Variants in H1-7 observed in about 807,000 individuals in gnomAD.
The protein encoded by H1-7 is H1.7 linker histone, also known as testis-specific H1 histone.
In H1-7, 1 loss-of-function variant was observed where a neutral mutation model predicts 0.3. The observed-to-expected ratio is 3.06, with a 90% CI of 1.09 to 14.53. The LOEUF is 14.53. H1-7 is among the 30% of genes most tolerant of loss of function. The pLI is 0.12. For synonymous variants in H1-7, 177 were observed against 153.2 expected (o/e 1.16, Z -1.15); for missense variants, 393 against 353.1 (o/e 1.11, Z -0.91).
chr12:48,329,749 G>C lies in H1-7; in HGVS notation c.458G>C (p.Ser153Thr), dbSNP rs759200101. 6.2e-7 allele frequency: 1 copy of C among 1,600,268 alleles called. No homozygotes were observed. The highest frequency in any genetic ancestry group is 1.1e-5 in the South Asian group (1 of 89,690). The change falls in exon 1 of 1, where the codon AGC (serine) becomes ACC (threonine). Residue 153 changes from serine to threonine, a missense_variant. Ser to Thr is a moderately conservative substitution (Grantham distance 58). Transcript: ENST00000335017. ...TGGAGGACCCCAGCCGCGCCCCGGA[G>C]CTCCCGGAGGCGCCGCCAGCCCCTT... ...APWRTPAAPR[S>T]SRRRRQPLRK...
Position 48,329,447 on chromosome 12 carries a change from C to T in H1-7, c.156C>T (p.Gly52=), listed in dbSNP as rs367755226. ...AAACTGTCGGGGGACCATCGAGGGG[C>T]TGCTCAAGCTCCGTGCTCAGAGTGT... ...AEKTVGGPSR[G]CSSSVLRVSQ... Residue 52 remains glycine, a synonymous_variant, in exon 1 of 1, where the codon GGC becomes GGT. Coordinates refer to ENST00000335017, the MANE Select transcript of H1-7 (RefSeq NM_181788.1). 6.9e-5 allele frequency: 112 copies of T among 1,614,096 alleles called. No individual in the cohort carries two copies. Among genetic ancestry groups the T allele is most frequent in the Middle Eastern group, 6.6e-4 (4 of 6,084 alleles).
rs1263353341 is a variant in H1-7, at chr12:48,329,442, AGGGGCT to A, written c.153_158del (p.Arg51_Cys53delinsSer). ...GGAAAAAACTGTCGGGGGACCATCG[AGGGGCT>A]GCTCAAGCTCCGTGCTCAGAGTGTC... On this transcript the variant is annotated inframe_deletion, in exon 1 of 1. Coordinates refer to ENST00000335017, the MANE Select transcript of H1-7 (RefSeq NM_181788.1). 11 of 1,614,072 alleles carry A rather than the reference AGGGGCT, an allele frequency of 6.8e-6. No homozygotes were observed. The highest frequency in any genetic ancestry group is 6.8e-6 in the Non-Finnish European group (8 of 1,180,034).
the H1-7 span, chr12:48,329,313 G>T: frequency 6.3e-7 from 1 of 1,594,048 alleles, no homozygotes; most frequent in Non-Finnish European, 8.5e-7. Context: ...CTTGACTGGT[G>T]AGGCCCAAAG....
the H1-7 span, chr12:48,329,398 C>G: frequency 6.2e-7 from 1 of 1,614,022 alleles, no homozygotes; most frequent in Non-Finnish European, 8.5e-7. Context: ...CGAGGACACT[C>G]AGCCACTCAG....
At position 48,329,441 on chromosome 12, in the gene H1-7, G is replaced by C; in HGVS notation, c.150G>C (p.Ser50=). ...LPAEKTVGGP[S]RGCSSSVLRV... is the part of the protein sequence containing the mutation. ...CGGAAAAAACTGTCGGGGGACCATCGAGGGGCTGCTCAAGCTCCGTGCTCA... is the reference window on the plus strand; with the variant it reads ...CGGAAAAAACTGTCGGGGGACCATCCAGGGGCTGCTCAAGCTCCGTGCTCA... Residue 50 remains serine (S), a synonymous_variant, in exon 1 of 1, where the codon TCG becomes TCC. Coordinates refer to ENST00000335017, the MANE Select transcript of H1-7 (RefSeq NM_181788.1). The C allele has an allele frequency of 9.9e-6, 16 of 1,614,218 alleles. No homozygotes were observed. Among genetic ancestry groups the C allele is most frequent in the Non-Finnish European group, 1.4e-5 (16 of 1,180,024 alleles).
chr12:48,329,271 G>A lies in H1-7; in HGVS notation c.-21G>A, dbSNP rs749335237. The A allele has an allele frequency of 5.3e-6, 8 of 1,505,298 alleles. No homozygotes were observed. The highest frequency in any genetic ancestry group is 2.3e-5 in the East Asian group (1 of 42,798). 93.2% of individuals were successfully genotyped at this position (1,505,298 alleles called of 1,614,324 possible). ...TCTCTGCCAGGCCTGCCTTTGTGACGTGGCCCAGTCTACCTCAGCTATGGA... is the reference window on the plus strand; with the variant it reads ...TCTCTGCCAGGCCTGCCTTTGTGACATGGCCCAGTCTACCTCAGCTATGGA... On this transcript the variant is annotated 5_prime_UTR_variant, in exon 1 of 1. It adds an upstream start codon to the 5' untranslated region. Transcript: ENST00000335017.
Position 48,329,793 on chromosome 12 carries a change from G to T in H1-7, c.502G>T (p.Ala168Ser). Residue 168 changes from alanine (A) to serine (S), a missense_variant, in exon 1 of 1, where the codon GCC (alanine) becomes TCC (serine). Physicochemically the swap from Ala to Ser is moderately conservative, Grantham distance 99. Transcript: ENST00000335017. ...RQPLRKAARK[A>S]REVWRRNARA... Reference sequence around the variant, plus strand: ...GCCCCTTCGCAAGGCGGCCAGGAAGGCCAGAGAAGTGTGGAGACGGAACGC... The same window carrying T: ...GCCCCTTCGCAAGGCGGCCAGGAAGTCCAGAGAAGTGTGGAGACGGAACGC... 6.3e-7 allele frequency: 1 copy of T among 1,598,978 alleles called. No homozygotes were observed.
In H1-7 at chr12:48,329,816, C is replaced by T. The variant is rs200066912; in HGVS notation, c.525C>T (p.Asn175=). Residue 175 remains asparagine (N), a synonymous_variant, in exon 1 of 1, where the codon AAC becomes AAT. Coordinates refer to ENST00000335017, the MANE Select transcript of H1-7 (RefSeq NM_181788.1). ...ARKAREVWRR[N]ARAKAKANAR... ...AGGCCAGAGAAGTGTGGAGACGGAA[C>T]GCGAGGGCGAAAGCCAAGGCCAATG... 8.1e-6 allele frequency: 13 copies of T among 1,595,334 alleles called. No homozygotes were observed. The highest frequency in any genetic ancestry group is 1.8e-5 in the Admixed American group (1 of 55,684).
rs972443693 is a variant in H1-7 at position 48,329,948 on chromosome 12, G to A, written c.657G>A (p.Gln219=). 4 of 1,610,364 alleles carry A rather than the reference G, an allele frequency of 2.5e-6. No individual in the cohort carries two copies. Among genetic ancestry groups the A allele is most frequent in the East Asian group, 4.5e-5 (2 of 44,708 alleles). ...CAGCGGCAGACGAGGGGCGAGGACA[G>A]GCCGTGAAGGAAGACACCACGCCGA... ...GATAADEGRG[Q]AVKEDTTPRS... Residue 219 remains glutamine (Q), a synonymous_variant, in exon 1 of 1, where the codon CAG becomes CAA. Transcript: ENST00000335017.
rs371972219 is a variant in H1-7, at chr12:48,329,612, G to A, written c.321G>A (p.Thr107=). ...HEAPRGQAKA[T]LLRVSGSDAA... ...CGCCCAGGGGGCAGGCCAAGGCCACGCTCCTCCGGGTCAGCGGCAGCGACG... is the reference window on the plus strand; with the variant it reads ...CGCCCAGGGGGCAGGCCAAGGCCACACTCCTCCGGGTCAGCGGCAGCGACG... The change falls in exon 1 of 1, where the codon ACG becomes ACA. Residue 107 remains threonine, a synonymous_variant. Coordinates refer to ENST00000335017, the MANE Select transcript of H1-7 (RefSeq NM_181788.1). 1.4e-5 allele frequency: 23 copies of A among 1,612,230 alleles called. No individual in the cohort carries two copies. The highest frequency in any genetic ancestry group is 6.6e-5 in the South Asian group (6 of 90,946).
rs759956909 is a variant in H1-7 at position 48,329,458 on chromosome 12, C to T, written c.167C>T (p.Ser56Phe). The T allele has an allele frequency of 2.8e-5, 45 of 1,614,088 alleles. No individual in the cohort carries two copies. In the Middle Eastern group the frequency reaches 8.2e-4, roughly 29 times the overall value. The change falls in exon 1 of 1, where the codon TCC becomes TTC. Residue 56 changes from serine to phenylalanine, a missense_variant. Coordinates refer to ENST00000335017, the MANE Select transcript of H1-7 (RefSeq NM_181788.1). ...GGACCATCGAGGGGCTGCTCAAGCT[C>T]CGTGCTCAGAGTGTCCCAGTTGGTG... ...VGGPSRGCSS[S>F]VLRVSQLVLQ...
chr12:48,329,861 G>A lies in H1-7; in HGVS notation c.570G>A (p.Arg190=), dbSNP rs1952547115. ...AKANARARRT[R]RARPRAKEPP... is the part of the protein sequence containing the mutation. ...CCAATGCCAGGGCGAGGAGGACCAG[G>A]AGGGCAAGGCCGAGAGCCAAGGAGC... The change falls in exon 1 of 1, where the codon AGG becomes AGA. Residue 190 remains arginine, a synonymous_variant. Transcript: ENST00000335017. 6.3e-7 allele frequency: 1 copy of A among 1,589,702 alleles called. No individual in the cohort carries two copies. Among genetic ancestry groups the A allele is most frequent in the Non-Finnish European group, 8.6e-7 (1 of 1,168,696 alleles).
rs765534034 is a variant in H1-7, at chr12:48,329,957, G to A, written c.666G>A (p.Lys222=). Reference sequence around the variant, plus strand: ...ACGAGGGGCGAGGACAGGCCGTGAAGGAAGACACCACGCCGAGGTCAGGGA... The same window carrying A: ...ACGAGGGGCGAGGACAGGCCGTGAAAGAAGACACCACGCCGAGGTCAGGGA... The part of the protein sequence containing the change: ...AADEGRGQAV[K]EDTTPRSGKD... The change falls in exon 1 of 1, where the codon AAG becomes AAA. Residue 222 remains lysine, a synonymous_variant. Coordinates refer to ENST00000335017, the MANE Select transcript of H1-7 (RefSeq NM_181788.1). The A allele has an allele frequency of 1.2e-6, 2 of 1,612,224 alleles. No homozygotes were observed. The highest frequency in any genetic ancestry group is 1.1e-5 in the South Asian group (1 of 90,796).
chr12:48,329,990 G>C lies in H1-7; in HGVS notation c.699G>C (p.Lys233Asn), dbSNP rs1317164117. 1 of 1,613,852 alleles carries C rather than the reference G, an allele frequency of 6.2e-7. No individual in the cohort carries two copies. The highest frequency in any genetic ancestry group is 8.5e-7 in the Non-Finnish European group (1 of 1,179,924). Residue 233 changes from lysine to asparagine, a missense_variant, in exon 1 of 1, where the codon AAG becomes AAC. Lys to Asn is a moderately conservative substitution (Grantham distance 94). Transcript: ENST00000335017. ...CCACGCCGAGGTCAGGGAAGGACAA[G>C]AGGCGAAGCTCCAAGCCCAGGGAAG... ...EDTTPRSGKD[K>N]RRSSKPREEK... is the part of the protein sequence containing the mutation.
In H1-7 at chr12:48,330,101, G is replaced by T. The variant is rs1284927106; in HGVS notation, c.*42G>T. The T allele has an allele frequency of 1.3e-6, 2 of 1,549,834 alleles. No homozygotes were observed. The highest frequency in any genetic ancestry group is 1.4e-5 in the African/African-American group (1 of 72,660). On this transcript the variant is annotated 3_prime_UTR_variant, in exon 1 of 1. Transcript: ENST00000335017. ...CCGACCGGACATCTAGCGGGCAGGG[G>T]AAGACTCCACTAAAGACTTCCACAA...
Position 48,329,304 on chromosome 12 carries a change from T to C in H1-7, c.13T>C (p.Leu5=). 2 of 1,586,506 alleles carry C rather than the reference T, an allele frequency of 1.3e-6. No homozygotes were observed. The highest frequency in any genetic ancestry group is 1.7e-6 in the Non-Finnish European group (2 of 1,167,348). The change falls in exon 1 of 1, where the codon TTG becomes CTG. Residue 5 remains leucine (L), a synonymous_variant. Transcript: ENST00000335017. MEQA[L]TGEAQSRWPR... is the part of the protein sequence containing the mutation. ...GTCTACCTCAGCTATGGAACAGGCC[T>C]TGACTGGTGAGGCCCAAAGCCGGTG...
rs953556988 is a variant in H1-7 at position 48,329,875 on chromosome 12, G to C, written c.584G>C (p.Arg195Thr). 1.2e-5 allele frequency: 19 copies of C among 1,588,814 alleles called. No homozygotes were observed. The highest frequency in any genetic ancestry group is 2.7e-5 in the African/African-American group (2 of 74,620). ...AGGAGGACCAGGAGGGCAAGGCCGA[G>C]AGCCAAGGAGCCGCCGTGTGCCAGA... ...RARRTRRARPRAKEPPCARAK... is the reference protein window; with the variant it reads ...RARRTRRARPTAKEPPCARAK... Residue 195 changes from arginine (R) to threonine (T), a missense_variant, in exon 1 of 1, where the codon AGA (arginine) becomes ACA (threonine). Physicochemically the swap from Arg to Thr is moderately conservative, Grantham distance 71 (BLOSUM62 -1). Coordinates refer to ENST00000335017, the MANE Select transcript of H1-7 (RefSeq NM_181788.1).
At position 48,329,409 on chromosome 12, in the gene H1-7, C is replaced by T. The variant is rs762406397; in HGVS notation, c.118C>T (p.Leu40=). ...GESRGHSATQ[L]PAEKTVGGPS... is the part of the protein sequence containing the mutation. ...ATCCCGAGGACACTCAGCCACTCAG[C>T]TGCCAGCGGAAAAAACTGTCGGGGG... The change falls in exon 1 of 1, where the codon CTG becomes TTG. Residue 40 remains leucine, a synonymous_variant. Coordinates refer to ENST00000335017, the MANE Select transcript of H1-7 (RefSeq NM_181788.1). 7 of 1,614,170 alleles carry T rather than the reference C, an allele frequency of 4.3e-6. No individual in the cohort carries two copies. The South Asian group carries it at 7.7e-5, about 18-fold the overall frequency.
At position 48,329,879 on chromosome 12, in the gene H1-7, C is replaced by T. The variant is rs1952547356; in HGVS notation, c.588C>T (p.Ala196=). The change falls in exon 1 of 1, where the codon GCC becomes GCT. Residue 196 remains alanine, a synonymous_variant. Coordinates refer to ENST00000335017, the MANE Select transcript of H1-7 (RefSeq NM_181788.1). ...ARRTRRARPR[A]KEPPCARAKE... Reference sequence around the variant, plus strand: ...GGACCAGGAGGGCAAGGCCGAGAGCCAAGGAGCCGCCGTGTGCCAGAGCCA... The same window carrying T: ...GGACCAGGAGGGCAAGGCCGAGAGCTAAGGAGCCGCCGTGTGCCAGAGCCA... 7 of 1,589,482 alleles carry T rather than the reference C, an allele frequency of 4.4e-6. No individual in the cohort carries two copies. Among genetic ancestry groups the T allele is most frequent in the Non-Finnish European group, 6.0e-6 (7 of 1,168,574 alleles).
Sources: gnomAD v4.1 joint callset for allele counts on GRCh38, gnomAD v4.1.1 for gene constraint, MANE v1.5 for transcripts, NCBI Gene and HGNC (gene_info 2026-07-23, HGNC 2026-07-21) for gene names.